The following RAB3IL1 variants were observed in gnomAD, a reference collection of about 807,000 sequenced individuals.
RAB3IL1 encodes guanine nucleotide exchange factor for Rab-3A.
Under a neutral mutation model 49.2 loss-of-function variants are expected in RAB3IL1, and 37 were observed. The observed-to-expected ratio is 0.75, with a 90% CI of 0.58 to 0.99. The LOEUF is 0.99. Ranked by LOEUF, RAB3IL1 falls within the 50% of genes least tolerant of loss-of-function variation. RAB3IL1 has a pLI of 0.00. For missense variants in RAB3IL1, 484 were observed against 513.0 expected (o/e 0.94, Z 0.55); for synonymous variants, 193 against 213.9 (o/e 0.90, Z 0.85).
chr11:61,921,710 C>T (rs1939912205), upstream of RAB3IL1, among the ~76,000 whole-genome samples: 1 of 152,186 alleles, frequency 6.6e-6, no homozygotes, highest in African/African-American at 2.4e-5. Flanking sequence ...GGTACACAGA[C>T]TCCATCCACC....
intron 8 of RAB3IL1, among the ~76,000 whole-genome samples, chr11:61,900,485 C>T (rs566553052): frequency 9.9e-5 from 15 of 152,184 alleles, no homozygotes; most frequent in African/African-American, 3.1e-4. Context: ...TGCGAGAGAG[C>T]GGGGCGAGGT....
chr11:61,920,535 C>T (rs1046313446), upstream of RAB3IL1, among the ~76,000 whole-genome samples: 10 of 152,330 alleles, frequency 6.6e-5, no homozygotes, highest in South Asian at 4.1e-4. Flanking sequence ...GGAAAGAGCC[C>T]GTCCAGCCTT....
chr11:61,908,251 A>T lies in RAB3IL1; in HGVS notation c.67T>A (p.Trp23Arg). The change falls in exon 2 of 10, where the codon TGG becomes AGG. Residue 23 changes from tryptophan (W) to arginine (R), a missense_variant. Coordinates refer to ENST00000394836, the MANE Select transcript of RAB3IL1 (RefSeq NM_013401.4). ...PPPLAAVPVP[W>R]KSTDPCQGHR... ...CCTTGGCAGGGGTCCGTGCTCTTCC[A>T]GGGGACCGGGACAGCTGCAAGGGGC... 1 of 1,528,296 alleles carries T rather than the reference A, an allele frequency of 6.5e-7. No homozygotes were observed. The highest frequency in any genetic ancestry group is 8.8e-7 in the Non-Finnish European group (1 of 1,136,752). The allele number at this position is 1,528,296 out of a possible 1,614,324, so 94.7% of individuals were successfully genotyped here.
At chr11:61,917,236 G>T in intron 1 of RAB3IL1, 121 bp downstream of exon 1, 1 of 1,278,932 alleles carries the variant, frequency 7.8e-7, no homozygotes, top group Non-Finnish European at 9.9e-7. Context: ...CAGGCAGGGC[G>T]GGGGCGCACA....
intron 1 of RAB3IL1, 23 bp from the exon 2 acceptor site, chr11:61,908,329 G>C (rs990494546): frequency 9.7e-6 from 14 of 1,449,588 alleles, no homozygotes; most frequent in Non-Finnish European, 1.2e-5. Flanking sequence ...AAGGGTATCA[G>C]CAGGTTCAGG....
intron 5 of RAB3IL1, among the ~76,000 whole-genome samples, chr11:61,905,142 G>A (rs1242937449): frequency 2.0e-5 from 3 of 152,200 alleles, no homozygotes; most frequent in Admixed American, 1.3e-4. Flanking sequence ...ATTTTAGAGT[G>A]GGGTGCAGGG....
At chr11:61,937,299 A>C in the RAB3IL1 span, among the ~76,000 whole-genome samples, 8 of 152,098 alleles carry the variant, frequency 5.3e-5, no homozygotes, top group Admixed American at 2.6e-4. Flanking sequence ...TTATTATTTA[A>C]ATTTTTTGTT....
At chr11:61,907,268 A>T in intron 4 of RAB3IL1, 125 bp downstream of exon 4, 2 of 991,984 alleles carry the variant, frequency 2.0e-6, no homozygotes, top group Non-Finnish European at 3.1e-6. Flanking sequence ...GCCTAGGTTC[A>T]CCCATTCCTG....
At chr11:61,934,446 G>GTA in the RAB3IL1 span, among the ~76,000 whole-genome samples, 10 of 24,396 alleles carry the variant, frequency 4.1e-4, no homozygotes, top group Non-Finnish European at 7.4e-4. Context: ...GTGTGTGTGT[G>GTA]TATGTATATA....
rs548685284 is a variant in RAB3IL1, at chr11:61,904,591, G to A, written c.854C>T (p.Thr285Met). 58 of 1,613,174 alleles carry A rather than the reference G, an allele frequency of 3.6e-5. No individual in the cohort carries two copies. The highest frequency in any genetic ancestry group is 4.3e-5 in the Non-Finnish European group (51 of 1,179,780). Residue 285 changes from threonine to methionine, a missense_variant, in exon 7 of 10, where the codon ACG becomes ATG. Transcript: ENST00000394836. ...CTCGGCCACCTTCACTGTGGGCAGC[G>A]TCTGCGAAGCCACCGGCTCAATGGT... ...TLTIEPVASQ[T>M]LPTVKVAEVD...
chr11:61,940,100 G>A, the RAB3IL1 span, among the ~76,000 whole-genome samples: 6 of 152,076 alleles, frequency 3.9e-5, no homozygotes, highest in Admixed American at 1.3e-4. Context: ...AGCTATGATC[G>A]TACCACTTCT....
the RAB3IL1 span, among the ~76,000 whole-genome samples, chr11:61,943,550 A>G: frequency 6.6e-6 from 1 of 152,156 alleles, no homozygotes; most frequent in Admixed American, 6.5e-5. Flanking sequence ...AATGGGAGAA[A>G]ATATTTGTAA....
At chr11:61,909,269 G>C (rs1018156712) in intron 1 of RAB3IL1, among the ~76,000 whole-genome samples, 3 of 152,150 alleles carry the variant, frequency 2.0e-5, no homozygotes, top group African/African-American at 2.4e-5. Context: ...GCACCAGAGG[G>C]GGAAGGCAAG....
chr11:61,899,652 G>A lies in RAB3IL1; in HGVS notation c.1000-272C>T, dbSNP rs114347191. 1,988 of 413,858 alleles carry A rather than the reference G, an allele frequency of 4.8e-3. 32 individuals carry two copies. Among genetic ancestry groups the A allele is most frequent in the African/African-American group, 0.036 (1,792 of 50,180 alleles). The allele number at this position is 413,858 out of a possible 1,614,324, so 25.6% of individuals were successfully genotyped here. A position where few individuals can be genotyped will look rare whatever the true frequency, so the allele number is the denominator to read the frequency against. On this transcript the variant is annotated intron_variant, in intron 8 of 9. Coordinates refer to ENST00000394836, the MANE Select transcript of RAB3IL1 (RefSeq NM_013401.4). ...TATTCCATCTTACATGGGGGAAAGC[G>A]GAGCCACCCGGGGAAAGCCGCTGAC...
chr11:61,944,242 C>CCTTT, the RAB3IL1 span, among the ~76,000 whole-genome samples: 4 of 127,280 alleles, frequency 3.1e-5, no homozygotes, highest in African/African-American at 5.6e-5. Flanking sequence ...TTCCTTCCTT[C>CCTTT]CTTCCTTCCT....
intron 4 of RAB3IL1, 104 bp downstream of exon 4, chr11:61,907,289 C>T (rs573722751): frequency 1.8e-5 from 22 of 1,244,592 alleles, no homozygotes; most frequent in Admixed American, 1.2e-4. Context: ...CTGGCCCCAC[C>T]GGGCCAGGTG....
chr11:61,916,437 C>A (rs1428382754), intron 1 of RAB3IL1, among the ~76,000 whole-genome samples: 1 of 152,184 alleles, frequency 6.6e-6, no homozygotes, highest in Non-Finnish European at 1.5e-5. Flanking sequence ...AAGGCCATCC[C>A]TCCCCTAGCA....
At position 61,899,384 on chromosome 11, in the gene RAB3IL1, T is replaced by C. The variant is rs891846785; in HGVS notation, c.1000-4A>G. 2 of 1,607,966 alleles carry C rather than the reference T, an allele frequency of 1.2e-6. No homozygotes were observed. Among genetic ancestry groups the C allele is most frequent in the African/African-American group, 2.7e-5 (2 of 74,916 alleles). ...AGAAGTTGCACACTGCGGTGATCTGTGGGCAGAGGTGGGGACGGTGTGACC... is the reference window on the plus strand; with the variant it reads ...AGAAGTTGCACACTGCGGTGATCTGCGGGCAGAGGTGGGGACGGTGTGACC... On this transcript the variant is annotated splice_region_variant and splice_polypyrimidine_tract_variant and intron_variant, in intron 8 of 9. Transcript: ENST00000394836.
chr11:61,920,980 T>A (rs1397274756), upstream of RAB3IL1, among the ~76,000 whole-genome samples: 2 of 152,190 alleles, frequency 1.3e-5, no homozygotes, highest in African/African-American at 2.4e-5. Flanking sequence ...TCTTTATTTT[T>A]AAATTCTTTT....
Sources: allele counts gnomAD v4.1 joint callset (sites outside exome capture counted in the v4.1 genomes callset), GRCh38; gene constraint gnomAD v4.1.1; transcripts MANE v1.5; gene names NCBI Gene and HGNC (gene_info 2026-07-23, HGNC 2026-07-21).